Variants in PVT1 observed in about 807,000 individuals in gnomAD.
PVT1 encodes the protein Pvt1 oncogene.
intron 4 of PVT1, among the ~76,000 whole-genome samples, chr8:128,044,189 GCA>G (rs1276086826): frequency 6.8e-6 from 1 of 147,556 alleles, no homozygotes; most frequent in East Asian, 2.0e-4. Flanking sequence ...GCCACTCTAT[GCA>G]GACAGCACCC....
At chr8:127,897,153 C>T (rs970446251) in intron 3 of PVT1, among the ~76,000 whole-genome samples, 7 of 152,188 alleles carry the variant, frequency 4.6e-5, no homozygotes, top group Admixed American at 2.6e-4. Context: ...TCCCCAACCC[C>T]GTTACCCCTG....
intron 4 of PVT1, among the ~76,000 whole-genome samples, chr8:128,017,743 A>G (rs1817390019): frequency 6.6e-6 from 1 of 151,936 alleles, no homozygotes; most frequent in African/African-American, 2.4e-5. Context: ...AGCCCTCCTT[A>G]ATTTTTTAAC....
intron 3 of PVT1, among the ~76,000 whole-genome samples, chr8:127,914,245 C>T (rs966094588): frequency 9.1e-6 from 1 of 109,440 alleles, no homozygotes; most frequent in Non-Finnish European, 1.7e-5. Flanking sequence ...AATTAAACAC[C>T]ACCACCACCA....
intron 4 of PVT1, among the ~76,000 whole-genome samples, chr8:128,030,034 G>T (rs1248681518): frequency 2.0e-5 from 3 of 152,168 alleles, no homozygotes; most frequent in African/African-American, 7.2e-5. Flanking sequence ...GATCACTTGA[G>T]CCTGGGAGTT....
intron 3 of PVT1, among the ~76,000 whole-genome samples, chr8:127,938,837 G>A (rs991179768): frequency 3.3e-5 from 5 of 152,324 alleles, no homozygotes; most frequent in South Asian, 2.1e-4. Context: ...TGCAGTCATC[G>A]TGTGGCGGAA....
At position 128,057,765 on chromosome 8, in the gene PVT1, C is replaced by T. The variant is rs2720664; in HGVS notation, n.913-12395C>T. Among the ~76,000 whole-genome samples, 112 of 152,306 alleles carry T rather than the reference C, an allele frequency of 7.4e-4. 1 individual carries two copies. In the East Asian group the frequency reaches 0.021, roughly 28 times the overall value. On this transcript the variant is annotated intron_variant and non_coding_transcript_variant, in intron 4 of 10. Transcript: ENST00000651587. ...AGGTTCGGATCTCGGCATTAAATCTCCCCCACGGTGTGTGCGGGGCCTTGC... is the reference window on the plus strand; with the variant it reads ...AGGTTCGGATCTCGGCATTAAATCTTCCCCACGGTGTGTGCGGGGCCTTGC...
intron 2 of PVT1, among the ~76,000 whole-genome samples, chr8:127,883,073 C>T (rs891936128): frequency 1.3e-5 from 2 of 151,422 alleles, no homozygotes; most frequent in African/African-American, 4.9e-5. Context: ...CACACACACA[C>T]ACACACACAC....
chr8:127,882,342 G>A (rs943442565), intron 2 of PVT1, among the ~76,000 whole-genome samples: 1 of 152,088 alleles, frequency 6.6e-6, no homozygotes, highest in African/African-American at 2.4e-5. Context: ...AGATCTCCCC[G>A]ATTTATCTTC....
chr8:127,811,071 G>A (rs797017414), intron 2 of PVT1, among the ~76,000 whole-genome samples: 12 of 152,220 alleles, frequency 7.9e-5, no homozygotes, highest in African/African-American at 1.9e-4. Context: ...AGAAGTGTCC[G>A]GATTGGCAAA....
chr8:127,998,361 T>C (rs1332367501), intron 4 of PVT1: 1 of 152,214 alleles, frequency 6.6e-6, no homozygotes, highest in Admixed American at 6.5e-5. Flanking sequence ...GACTTGCAGG[T>C]ATTTATTTGA....
intron 3 of PVT1, among the ~76,000 whole-genome samples, chr8:127,902,549 A>G (rs995792408): frequency 6.6e-6 from 1 of 151,732 alleles, no homozygotes; most frequent in Non-Finnish European, 1.5e-5. Context: ...GGTACTGAGC[A>G]TAGTATCCAG....
At chr8:127,909,833 A>G (rs1362580221) in intron 3 of PVT1, among the ~76,000 whole-genome samples, 1 of 152,034 alleles carries the variant, frequency 6.6e-6, no homozygotes, top group African/African-American at 2.4e-5. Flanking sequence ...GGCAGTGACC[A>G]GCCAACTGGA....
At chr8:128,009,713 G>A (rs1817291626) in intron 4 of PVT1, 1 of 152,216 alleles carries the variant, frequency 6.6e-6, no homozygotes, top group Non-Finnish European at 1.5e-5. Context: ...AACCTGAGCT[G>A]AGCAGGTAAA....
intron 4 of PVT1, among the ~76,000 whole-genome samples, chr8:128,028,721 G>A (rs1008589447): frequency 6.6e-6 from 1 of 152,240 alleles, no homozygotes; most frequent in African/African-American, 2.4e-5. Context: ...GTCTTCAACA[G>A]GAGTTGTGGG....
intron 2 of PVT1, among the ~76,000 whole-genome samples, chr8:127,854,120 G>C (rs918517189): frequency 6.6e-6 from 1 of 151,590 alleles, no homozygotes; most frequent in African/African-American, 2.4e-5. Flanking sequence ...TCCGTAGGCA[G>C]GCCTCACCCC....
intron 3 of PVT1, among the ~76,000 whole-genome samples, chr8:127,964,412 C>T (rs1380521552): frequency 1.3e-5 from 2 of 152,230 alleles, no homozygotes; most frequent in Non-Finnish European, 1.5e-5. Context: ...TGGAGGTCCT[C>T]GGAAGGGTTC....
chr8:128,035,077 G>A (rs1034385007), intron 4 of PVT1, among the ~76,000 whole-genome samples: 1 of 152,186 alleles, frequency 6.6e-6, no homozygotes, highest in Non-Finnish European at 1.5e-5. Flanking sequence ...AAAAGCATTT[G>A]TGGCAAGGAT....
At chr8:128,025,786 T>A (rs1817486498) in intron 4 of PVT1, among the ~76,000 whole-genome samples, 1 of 152,148 alleles carries the variant, frequency 6.6e-6, no homozygotes, top group Non-Finnish European at 1.5e-5. Flanking sequence ...ATTAGCTCAC[T>A]TAAGGTCTCC....
intron 2 of PVT1, among the ~76,000 whole-genome samples, chr8:127,844,703 G>GT (rs375875343): frequency 2.0e-5 from 3 of 149,460 alleles, no homozygotes; most frequent in African/African-American, 7.4e-5. Context: ...TTTTTTTTTT[G>GT]TTTTGTTTTT....
Sources: gnomAD v4.1 joint callset for allele counts (sites outside exome capture counted in the v4.1 genomes callset) on GRCh38, gnomAD v4.1.1 for gene constraint, MANE v1.5 for transcripts, NCBI Gene and HGNC (gene_info 2026-07-23, HGNC 2026-07-21) for gene names.